Variants in IMPG1 observed in about 807,000 individuals in gnomAD.
The protein encoded by IMPG1 is interphotoreceptor matrix proteoglycan 1.
IMPG1 carries 85 observed loss-of-function variants against 92.0 expected under a neutral mutation model. The ratio of observed to expected loss-of-function variants is 0.92; its 90% CI spans 0.78 to 1.11. IMPG1 has a LOEUF of 1.11. Among genes scored for constraint, IMPG1 ranks in the 50% least tolerant of loss-of-function variants. The probability of loss-of-function intolerance (pLI) is 0.00; values close to 1 mark genes in which losing one functional copy is unlikely to be tolerated. For synonymous variants in IMPG1, 367 were observed against 334.1 expected (o/e 1.10, Z -1.08); for missense variants, 1,022 against 956.0 (o/e 1.07, Z -0.91).
chr6:76,070,085 G>A (rs1008485690), intron 1 of IMPG1, among the ~76,000 whole-genome samples: 1 of 152,110 alleles, frequency 6.6e-6, no homozygotes. Context: ...TCAGCATCAT[G>A]CAATATACCT....
chr6:76,055,549 AC>A (rs79550208), intron 1 of IMPG1, among the ~76,000 whole-genome samples: 5 of 104,708 alleles, frequency 4.8e-5, no homozygotes, highest in East Asian at 6.2e-4. Context: ...AACAAAGATA[AC>A]AGAGAGTAAT....
chr6:75,974,404 C>G lies in IMPG1; in HGVS notation c.1292-23310G>C, dbSNP rs1275286197. 9.5e-3 allele frequency among the ~76,000 whole-genome samples: 1,028 copies of G among 107,946 alleles called. 32 individuals carry two copies. Among genetic ancestry groups the G allele is most frequent in the East Asian group, 0.024 (84 of 3,478 alleles). 70.8% of individuals were successfully genotyped at this position (107,946 alleles called of 152,430 possible). ...CTTTCTTTCTTTCTTTTCTTTCTTT[C>G]CTTCCTTCCTTCCTTCCTTCCTTGC... On this transcript the variant is annotated intron_variant, in intron 12 of 16. Coordinates refer to ENST00000369950, the MANE Select transcript of IMPG1 (RefSeq NM_001563.4).
chr6:76,014,972 G>T (rs1366268272), intron 7 of IMPG1, among the ~76,000 whole-genome samples: 5 of 152,182 alleles, frequency 3.3e-5, no homozygotes, highest in South Asian at 4.1e-4. Context: ...ATCTTCTGGG[G>T]ACCTTCTAGT....
intron 14 of IMPG1, among the ~76,000 whole-genome samples, chr6:75,933,570 G>A (rs1436822530): frequency 6.6e-6 from 1 of 152,228 alleles, no homozygotes; most frequent in African/African-American, 2.4e-5. Context: ...ACCTCGGCAA[G>A]CTGAACAGTG....
intron 2 of IMPG1, among the ~76,000 whole-genome samples, chr6:76,041,036 A>G (rs1229741105): frequency 6.6e-6 from 1 of 152,202 alleles, no homozygotes; most frequent in Non-Finnish European, 1.5e-5. Context: ...AAAACTCTCA[A>G]CTTTCGCATG....
At chr6:76,027,703 G>A (rs1783574425) in intron 4 of IMPG1, among the ~76,000 whole-genome samples, 1 of 152,156 alleles carries the variant, frequency 6.6e-6, no homozygotes, top group African/African-American at 2.4e-5. Context: ...TCCGTAAATT[G>A]AGCATTGAGA....
At chr6:76,026,414 G>A (rs896812400) in intron 4 of IMPG1, among the ~76,000 whole-genome samples, 1 of 152,156 alleles carries the variant, frequency 6.6e-6, no homozygotes, top group Non-Finnish European at 1.5e-5. Flanking sequence ...GGGAAACCAT[G>A]CCCCCATACC....
intron 4 of IMPG1, among the ~76,000 whole-genome samples, chr6:76,031,116 A>G (rs1783646588): frequency 6.6e-6 from 1 of 152,206 alleles, no homozygotes; most frequent in African/African-American, 2.4e-5. Flanking sequence ...TGGGACGGAC[A>G]AGGACCCCAA....
chr6:76,025,353 A>G, intron 4 of IMPG1, 95 bp from the exon 5 acceptor site: 1 of 585,098 alleles, frequency 1.7e-6, no homozygotes, highest in Non-Finnish European at 3.0e-6. Flanking sequence ...GAGTAAACCT[A>G]AAAGTTATAG....
intron 12 of IMPG1, among the ~76,000 whole-genome samples, chr6:75,999,818 G>A (rs1782958973): frequency 6.6e-6 from 1 of 152,186 alleles, no homozygotes; most frequent in Admixed American, 6.5e-5. Context: ...TACTTATAGA[G>A]CATTGACTGA....
rs713993047 is a variant in IMPG1, at chr6:76,034,628, A to G, written c.461T>C (p.Leu154Pro). The change falls in exon 3 of 17, where the codon CTC becomes CCC. Residue 154 changes from leucine to proline, a missense_variant. By Grantham distance (98) the Leu-to-Pro change is moderately conservative. Transcript: ENST00000369950. The part of the protein sequence containing the change: ...FSNSQEHLDL[L>P]QQRIKQRSFP... ...TGTGGTGTTTAGGCTCACCTGCTGG[A>G]GAAGATCCAGGTGCTCCTGGGAATT... 8.0e-5 allele frequency: 129 copies of G among 1,613,994 alleles called. No individual in the cohort carries two copies. Among genetic ancestry groups the G allele is most frequent in the Non-Finnish European group, 1.1e-4 (127 of 1,179,980 alleles).
chr6:76,052,190 G>A (rs903281151), intron 1 of IMPG1, among the ~76,000 whole-genome samples: 1 of 152,156 alleles, frequency 6.6e-6, no homozygotes, highest in Non-Finnish European at 1.5e-5. Flanking sequence ...AGCTGTTTAA[G>A]TCTGGTAAAT....
chr6:76,001,373 T>C (rs1169352332), intron 12 of IMPG1, among the ~76,000 whole-genome samples: 3 of 152,238 alleles, frequency 2.0e-5, no homozygotes, highest in Non-Finnish European at 2.9e-5. Context: ...GTGGTTGATA[T>C]GGATTGTGGT....
At chr6:75,982,498 C>T (rs1432725793) in intron 12 of IMPG1, among the ~76,000 whole-genome samples, 1 of 150,686 alleles carries the variant, frequency 6.6e-6, no homozygotes, top group Non-Finnish European at 1.5e-5. Context: ...TGAGATCGTG[C>T]CTGGGTGACA....
At chr6:75,947,623 A>G (rs1017194704) in intron 13 of IMPG1, 90 bp from the exon 14 acceptor site, 1 of 884,260 alleles carries the variant, frequency 1.1e-6, no homozygotes. Flanking sequence ...ATTAACCGAG[A>G]CATATATTTT....
chr6:75,952,398 T>A (rs1284536326), intron 12 of IMPG1, among the ~76,000 whole-genome samples: 1 of 152,180 alleles, frequency 6.6e-6, no homozygotes, highest in Non-Finnish European at 1.5e-5. Context: ...CTCCAAGTGA[T>A]AAACAGCTCT....
At chr6:76,071,171 A>G (rs1784398189) in intron 1 of IMPG1, among the ~76,000 whole-genome samples, 1 of 148,280 alleles carries the variant, frequency 6.7e-6, no homozygotes, top group Non-Finnish European at 1.5e-5. Flanking sequence ...TAATTGTTAT[A>G]TATAAAAATT....
At chr6:75,927,201 T>A (rs1272484035) in intron 15 of IMPG1, among the ~76,000 whole-genome samples, 3 of 152,212 alleles carry the variant, frequency 2.0e-5, no homozygotes, top group Non-Finnish European at 4.4e-5. Flanking sequence ...GAGGGGCATC[T>A]AATTTATTCC....
intron 11 of IMPG1, among the ~76,000 whole-genome samples, 163 bp downstream of exon 11, chr6:76,003,711 C>T (rs1279068730): frequency 1.3e-5 from 2 of 152,140 alleles, no homozygotes; most frequent in South Asian, 2.1e-4. Context: ...AATACGGATA[C>T]TGAAAGTGGG....
Sources: gnomAD v4.1 joint callset for allele counts (sites outside exome capture counted in the v4.1 genomes callset) on GRCh38, gnomAD v4.1.1 for gene constraint, MANE v1.5 for transcripts, NCBI Gene and HGNC (gene_info 2026-07-23, HGNC 2026-07-21) for gene names.